Variants in ADAM12 observed in about 807,000 individuals in gnomAD.
The protein encoded by ADAM12 is ADAM metallopeptidase domain 12.
Under a neutral mutation model 106.4 loss-of-function variants are expected in ADAM12, and 70 were observed. The ratio of observed to expected loss-of-function variants is 0.66; its 90% CI spans 0.54 to 0.80. The LOEUF (loss-of-function observed/expected upper bound fraction) is 0.80. Among genes scored for constraint, ADAM12 ranks in the 30% least tolerant of loss-of-function variants. ADAM12 has a pLI of 0.00. For synonymous variants in ADAM12, 420 were observed against 433.5 expected, an observed-to-expected ratio of 0.97 and a Z score of 0.39; for missense variants, 1,010 against 1,171.9, an observed-to-expected ratio of 0.86 and a Z score of 2.02.
At chr10:126,235,295 C>A (rs1958392140) in intron 3 of ADAM12, among the ~76,000 whole-genome samples, 1 of 152,224 alleles carries the variant, frequency 6.6e-6, no homozygotes, top group South Asian at 2.1e-4. Flanking sequence ...ACCGGATGAA[C>A]CTCAGGCCTG....
At position 126,063,970 on chromosome 10, in the gene ADAM12, T is replaced by C. The variant is rs375651439; in HGVS notation, c.1609+836A>G. Reference sequence around the variant, plus strand: ...AACACCTCCCTCTTCAGGGTGACTGTGCATTGTGGGAGTAACACATGGGCA... The same window carrying C: ...AACACCTCCCTCTTCAGGGTGACTGCGCATTGTGGGAGTAACACATGGGCA... On this transcript the variant is annotated intron_variant, in intron 14 of 22. Transcript: ENST00000448723. Among the ~76,000 whole-genome samples the C allele has an allele frequency of 1.4e-4, 22 of 152,352 alleles. 1 individual carries two copies. The highest frequency in any genetic ancestry group is 5.3e-4 in the African/African-American group (22 of 41,594).
intron 2 of ADAM12, among the ~76,000 whole-genome samples, chr10:126,291,892 G>A (rs949640745): frequency 6.6e-6 from 1 of 152,060 alleles, no homozygotes; most frequent in Non-Finnish European, 1.5e-5. Flanking sequence ...ACCTTTATGG[G>A]TATAACTTTC....
At chr10:126,051,876 G>A (rs1487348859) in intron 14 of ADAM12, among the ~76,000 whole-genome samples, 1 of 152,180 alleles carries the variant, frequency 6.6e-6, no homozygotes. Flanking sequence ...ATGCTATGAA[G>A]GTAGAAACAG....
Position 126,271,511 on chromosome 10 carries a change from G to C in ADAM12, c.260+7404C>G, listed in dbSNP as rs73384790. Among the ~76,000 whole-genome samples, 958 of 152,340 alleles carry C rather than the reference G, an allele frequency of 6.3e-3. 13 individuals are homozygous for C. The highest frequency in any genetic ancestry group is 0.021 in the African/African-American group (879 of 41,580). ...GACTGAATTTTGGTGGAGAGCAGTA[G>C]CTCATGCCTTTGGGAGGCCGAGGTA... On this transcript the variant is annotated intron_variant, in intron 3 of 22. Coordinates refer to ENST00000448723, the MANE Select transcript of ADAM12 (RefSeq NM_001288973.2).
At chr10:126,385,747 T>C (rs577423934) in intron 1 of ADAM12, among the ~76,000 whole-genome samples, 1 of 151,578 alleles carries the variant, frequency 6.6e-6, no homozygotes, top group African/African-American at 2.4e-5. Context: ...AAAGGGAGAA[T>C]GGTAAGAAAG....
Position 126,036,938 on chromosome 10 carries a change from C to T in ADAM12, c.2350-613G>A, listed in dbSNP as rs145929678. ...AGTATACAACTTGGTCATTTTTTGA[C>T]GTGTTTACACCCATGAAACCCTCAC... On this transcript the variant is annotated intron_variant, in intron 20 of 22. Transcript: ENST00000448723. Among the ~76,000 whole-genome samples, 19 of 152,210 alleles carry T rather than the reference C, an allele frequency of 1.2e-4. No individual in the cohort carries two copies. The East Asian group carries it at 3.5e-3, about 28-fold the overall frequency.
At chr10:126,072,112 T>C (rs1955007700) in intron 11 of ADAM12, among the ~76,000 whole-genome samples, 1 of 152,154 alleles carries the variant, frequency 6.6e-6, no homozygotes, top group Non-Finnish European at 1.5e-5. Context: ...CAAGGACACA[T>C]GGTTCCACTG....
chr10:126,082,198 C>T (rs894927849), intron 11 of ADAM12, among the ~76,000 whole-genome samples: 1 of 152,104 alleles, frequency 6.6e-6, no homozygotes, highest in Non-Finnish European at 1.5e-5. Flanking sequence ...GTCTTCTGTT[C>T]CTGAAAGCTT....
In ADAM12 at chr10:126,128,180, G is replaced by A. The variant is rs111584907; in HGVS notation, c.416+7404C>T. Among the ~76,000 whole-genome samples the A allele has an allele frequency of 9.9e-3, 1,511 of 152,250 alleles. 21 individuals are homozygous for A. The highest frequency in any genetic ancestry group is 0.033 in the African/African-American group (1,377 of 41,542). ...GGAGCATGAGACCTGCTCGTGGCTTGTGTGAGCTTCCCATGAGGACAAGGA... is the reference window on the plus strand; with the variant it reads ...GGAGCATGAGACCTGCTCGTGGCTTATGTGAGCTTCCCATGAGGACAAGGA... On this transcript the variant is annotated intron_variant, in intron 5 of 22. Transcript: ENST00000448723.
intron 2 of ADAM12, among the ~76,000 whole-genome samples, chr10:126,319,481 G>A (rs1203158406): frequency 2.6e-5 from 4 of 152,198 alleles, no homozygotes; most frequent in South Asian, 4.1e-4. Flanking sequence ...TGAGAAAAAC[G>A]CTGGAAAATC....
chr10:126,313,964 A>C (rs1167333845), intron 2 of ADAM12, among the ~76,000 whole-genome samples: 2 of 152,090 alleles, frequency 1.3e-5, no homozygotes, highest in African/African-American at 4.8e-5. Flanking sequence ...GTTTTAAGGC[A>C]GAGACGAGAA....
chr10:126,314,625 T>C (rs1961267654), intron 2 of ADAM12, among the ~76,000 whole-genome samples: 1 of 152,182 alleles, frequency 6.6e-6, no homozygotes, highest in South Asian at 2.1e-4. Flanking sequence ...TTTTCAATAC[T>C]CTATTTTCAA....
chr10:126,158,697 G>A (rs1956873616), intron 3 of ADAM12, among the ~76,000 whole-genome samples: 1 of 134,132 alleles, frequency 7.5e-6, no homozygotes, highest in African/African-American at 2.7e-5. Context: ...AGAGCACAGG[G>A]AGAGGATGCA....
chr10:126,270,785 C>G (rs540913522), intron 3 of ADAM12, among the ~76,000 whole-genome samples: 3 of 152,120 alleles, frequency 2.0e-5, no homozygotes, highest in Non-Finnish European at 4.4e-5. Flanking sequence ...TGGGGAACAC[C>G]CACTGCATGG....
intron 14 of ADAM12, among the ~76,000 whole-genome samples, chr10:126,057,624 G>C (rs1332528451): frequency 6.6e-6 from 1 of 152,172 alleles, no homozygotes; most frequent in East Asian, 1.9e-4. Context: ...ATGGTACCAT[G>C]GTGGGCTCTG....
In ADAM12 at chr10:126,327,836, T is replaced by C. The variant is rs575487910; in HGVS notation, c.186+2576A>G. Among the ~76,000 whole-genome samples the C allele has an allele frequency of 4.6e-5, 7 of 152,256 alleles. No individual in the cohort carries two copies. In the East Asian group the frequency reaches 1.2e-3, roughly 25 times the overall value. ...GTCGCTATCTCAGGGTGAATGTCTGTTTCCTACAGGCTACTACTTCCACAG... is the reference window on the plus strand; with the variant it reads ...GTCGCTATCTCAGGGTGAATGTCTGCTTCCTACAGGCTACTACTTCCACAG... On this transcript the variant is annotated intron_variant, in intron 2 of 22. Transcript: ENST00000448723.
intron 1 of ADAM12, among the ~76,000 whole-genome samples, chr10:126,338,569 T>C (rs1178975643): frequency 6.6e-6 from 1 of 152,226 alleles, no homozygotes; most frequent in Non-Finnish European, 1.5e-5. Context: ...TACATTTTTA[T>C]AACCGTTACT....
At chr10:126,354,561 C>A (rs1406686129) in intron 1 of ADAM12, among the ~76,000 whole-genome samples, 1 of 152,084 alleles carries the variant, frequency 6.6e-6, no homozygotes, top group Non-Finnish European at 1.5e-5. Context: ...TCCTTACTGA[C>A]AATTGTACAT....
At chr10:126,138,444 G>A (rs1294103844) in intron 4 of ADAM12, among the ~76,000 whole-genome samples, 7 of 151,964 alleles carry the variant, frequency 4.6e-5, no homozygotes, top group Non-Finnish European at 8.8e-5. Flanking sequence ...GCACGATCTC[G>A]GCTCATTGCA....
Sources: gnomAD v4.1 joint callset for allele counts (sites outside exome capture counted in the v4.1 genomes callset) on GRCh38, gnomAD v4.1.1 for gene constraint, MANE v1.5 for transcripts, NCBI Gene and HGNC (gene_info 2026-07-23, HGNC 2026-07-21) for gene names.